Variants in FGF14 observed in about 807,000 individuals in gnomAD.
FGF14 encodes fibroblast growth factor 14, also known as fibroblast growth factor homologous factor 4.
FGF14 carries 5 observed loss-of-function variants against 25.5 expected under a neutral mutation model. That is an observed-to-expected ratio of 0.20 (90% CI 0.10 to 0.41). FGF14 has a LOEUF of 0.41. Among genes scored for constraint, FGF14 ranks in the 10% least tolerant of loss-of-function variants. FGF14 has a pLI of 1.00. For synonymous variants in FGF14, 138 were observed against 118.3 expected, an observed-to-expected ratio of 1.17 and a Z score of -1.08; for missense variants, 222 against 320.1, an observed-to-expected ratio of 0.69 and a Z score of 2.34.
At position 101,712,495 on chromosome 13, in the gene FGF14, G is replaced by A. The variant is rs1052137446; in HGVS notation, c.*10336C>T. The A allele has an allele frequency of 6.6e-6, 1 of 152,136 alleles. No individual in the cohort carries two copies. Among genetic ancestry groups the A allele is most frequent in the Non-Finnish European group, 1.5e-5 (1 of 68,038 alleles). 9.4% of individuals were successfully genotyped at this position (152,136 alleles called of 1,614,324 possible). A position where few individuals can be genotyped will look rare whatever the true frequency, so the allele number is the denominator to read the frequency against. On this transcript the variant is annotated 3_prime_UTR_variant, in exon 5 of 5. Transcript: ENST00000376143. ...AGGGCCAGAGGATAAGTTTGAAGAT[G>A]AAATATAAGATATTTCATGAATTGT...
intron 1 of FGF14, among the ~76,000 whole-genome samples, chr13:102,291,983 G>C (rs2054428248): frequency 6.6e-6 from 1 of 152,060 alleles, no homozygotes; most frequent in Admixed American, 6.5e-5. Context: ...TCGCTGCAGT[G>C]AGTCAGCACA....
chr13:102,279,906 C>G (rs922993157), intron 1 of FGF14, among the ~76,000 whole-genome samples: 5 of 152,162 alleles, frequency 3.3e-5, no homozygotes, highest in Non-Finnish European at 7.4e-5. Flanking sequence ...CAAGTCTTCT[C>G]CCTAATATTA....
At chr13:102,370,137 A>T (rs756783379) in intron 1 of FGF14, among the ~76,000 whole-genome samples, 11 of 152,096 alleles carry the variant, frequency 7.2e-5, no homozygotes, top group Non-Finnish European at 1.3e-4. Context: ...AATGACAGGC[A>T]TATGCCACCA....
Position 101,913,171 on chromosome 13 carries a change from G to A in FGF14, c.193+3282C>T, listed in dbSNP as rs191943650. The stretch of plus-strand genomic sequence containing the variant: ...GTGAATGTAGAAGTGAGGAGAAGAT[G>A]CTAGACACACAGTAAAGCACAAACA... On this transcript the variant is annotated intron_variant, in intron 1 of 4. Transcript: ENST00000376143. 4.6e-4 allele frequency among the ~76,000 whole-genome samples: 70 copies of A among 152,296 alleles called. No individual in the cohort carries two copies. In the South Asian group the frequency reaches 7.7e-3, roughly 17 times the overall value.
intron 1 of FGF14, among the ~76,000 whole-genome samples, chr13:101,909,157 A>T (rs553066908): frequency 1.3e-5 from 2 of 152,198 alleles, no homozygotes; most frequent in African/African-American, 4.8e-5. Flanking sequence ...AACCTAGGCA[A>T]TACCATTCAG....
At chr13:102,042,573 A>C (rs1375824659) in intron 1 of FGF14, among the ~76,000 whole-genome samples, 2 of 152,168 alleles carry the variant, frequency 1.3e-5, no homozygotes, top group East Asian at 3.8e-4. Context: ...CAAAGCCAAA[A>C]ATGTCTAGAA....
intron 1 of FGF14, among the ~76,000 whole-genome samples, chr13:102,136,547 C>T (rs1323613464): frequency 1.3e-5 from 2 of 151,460 alleles, no homozygotes; most frequent in Non-Finnish European, 2.9e-5. Flanking sequence ...GCTTTAATTG[C>T]AAAAGGCACT....
At position 101,961,040 on chromosome 13, in the gene FGF14, T is replaced by G. The variant is rs574294368; in HGVS notation, c.209-85744A>C. On this transcript the variant is annotated intron_variant, in intron 1 of 4. Transcript: ENST00000376131. ...CTTTTGCCCATTTTTTAATGGGATT[T>G]TTTTGTAGTAAATTTGTTTAAGTTC... is the stretch of plus-strand genomic sequence containing the variant. Among the ~76,000 whole-genome samples, 5 of 152,130 alleles carry G rather than the reference T, an allele frequency of 3.3e-5. No homozygotes were observed. In the South Asian group the frequency reaches 6.2e-4, roughly 19 times the overall value.
intron 3 of FGF14, among the ~76,000 whole-genome samples, chr13:101,818,623 C>T (rs547403592): frequency 2.0e-4 from 30 of 152,244 alleles, no homozygotes; most frequent in African/African-American, 6.5e-4. Flanking sequence ...TCGGAGAACT[C>T]TATTAATAGA....
At chr13:102,348,971 T>C (rs2057193976) in intron 1 of FGF14, among the ~76,000 whole-genome samples, 1 of 152,202 alleles carries the variant, frequency 6.6e-6, no homozygotes, top group Non-Finnish European at 1.5e-5. Context: ...TGGTTTTATC[T>C]AGACCACTGG....
chr13:101,936,009 T>G (rs1053563044), intron 1 of FGF14, among the ~76,000 whole-genome samples: 2 of 152,232 alleles, frequency 1.3e-5, no homozygotes, highest in Admixed American at 6.5e-5. Flanking sequence ...AAGGTAGTCA[T>G]AGAAAGGATC....
In FGF14 at chr13:102,278,627, A is replaced by AATAT. The variant is rs10578533; in HGVS notation, c.208+122840_208+122843dup. On this transcript the variant is annotated intron_variant, in intron 1 of 4. Coordinates refer to the FGF14 transcript ENST00000376131. ...GTGTCACTCTACATACATTTTATGTAATATATATATATATATATACATACA... is the reference window on the plus strand; with the variant it reads ...GTGTCACTCTACATACATTTTATGTAATATATATATATATATATATATACATACA... Among the ~76,000 whole-genome samples, 262 of 147,520 alleles carry AATAT rather than the reference A, an allele frequency of 1.8e-3. 1 individual carries two copies. The highest frequency in any genetic ancestry group is 5.5e-3 in the African/African-American group (220 of 39,910).
intron 1 of FGF14, among the ~76,000 whole-genome samples, chr13:101,934,395 A>G (rs1345797279): frequency 6.6e-6 from 1 of 152,236 alleles, no homozygotes; most frequent in Non-Finnish European, 1.5e-5. Context: ...ATTTTAAAAA[A>G]TGGAATGTGG....
chr13:102,074,279 C>G (rs1432842866), intron 1 of FGF14, among the ~76,000 whole-genome samples: 2 of 152,174 alleles, frequency 1.3e-5, no homozygotes, highest in African/African-American at 4.8e-5. Flanking sequence ...CTCCAAAGTG[C>G]TAGGATTATA....
chr13:102,000,251 G>A (rs564240598), intron 1 of FGF14, among the ~76,000 whole-genome samples: 8 of 152,112 alleles, frequency 5.3e-5, no homozygotes, highest in South Asian at 2.1e-4. Flanking sequence ...CCTGGGAGGC[G>A]GAGCTTGCAG....
intron 1 of FGF14, chr13:102,300,365 T>C (rs908505036): frequency 3.3e-5 from 5 of 151,132 alleles, no homozygotes; most frequent in African/African-American, 4.9e-5. Flanking sequence ...CTCGAGAATC[T>C]CACCTAATAC....
chr13:102,291,067 TA>T lies in FGF14; in HGVS notation c.208+110403del, dbSNP rs373175511. Among the ~76,000 whole-genome samples, 880 of 152,230 alleles carry T rather than the reference TA, an allele frequency of 5.8e-3. 10 individuals carry two copies. The highest frequency in any genetic ancestry group is 0.02 in the African/African-American group (828 of 41,538). On this transcript the variant is annotated intron_variant, in intron 1 of 4. Coordinates refer to the FGF14 transcript ENST00000376131. ...CAAAGAGAGAGTTAAAATGGAGCAA[TA>T]GTATTTTATAGCTAGTAAGCTGCAT...
chr13:101,923,575 GA>G (rs1391107244), intron 1 of FGF14, among the ~76,000 whole-genome samples: 1 of 152,016 alleles, frequency 6.6e-6, no homozygotes, highest in African/African-American at 2.4e-5. Context: ...TTAAGTTCAA[GA>G]TCACATTTTT....
intron 1 of FGF14, among the ~76,000 whole-genome samples, chr13:102,103,288 A>T (rs752974650): frequency 7.2e-5 from 11 of 152,192 alleles, no homozygotes; most frequent in Non-Finnish European, 1.2e-4. Flanking sequence ...CAAGTTTCTC[A>T]GTGGGTAATG....
Sources: allele counts gnomAD v4.1 joint callset (sites outside exome capture counted in the v4.1 genomes callset), GRCh38; gene constraint gnomAD v4.1.1; transcripts MANE v1.5; gene names NCBI Gene and HGNC (gene_info 2026-07-23, HGNC 2026-07-21).